Variants in HIPK2 observed in about 807,000 individuals in gnomAD.
The protein encoded by HIPK2 is homeodomain-interacting protein kinase 2.
HIPK2 carries 27 observed loss-of-function variants against 113.7 expected under a neutral mutation model. The ratio of observed to expected loss-of-function variants is 0.24; its 90% CI spans 0.17 to 0.33. The LOEUF is 0.33. HIPK2 is among the 10% of genes least tolerant of loss of function. HIPK2 has a pLI of 1.00. For synonymous variants in HIPK2, 631 were observed against 642.2 expected, an observed-to-expected ratio of 0.98 and a Z score of 0.26; for missense variants, 1,257 against 1,588.0, an observed-to-expected ratio of 0.79 and a Z score of 3.54.
In HIPK2 at chr7:139,572,898, T is replaced by TACCCAC; in HGVS notation, c.*28_*29insGTGGGT. 7.4e-6 allele frequency: 3 copies of TACCCAC among 407,280 alleles called. 1 individual carries two copies. Among genetic ancestry groups the TACCCAC allele is most frequent in the Non-Finnish European group, 1.5e-5 (3 of 206,378 alleles). The allele number at this position is 407,280 out of a possible 1,614,324, so 25.2% of individuals were successfully genotyped here. A position where few individuals can be genotyped will look rare whatever the true frequency, so the allele number is the denominator to read the frequency against. On this transcript the variant is annotated 3_prime_UTR_variant, in exon 15 of 15. Transcript: ENST00000406875. ...CTCCTCCCTCGGGCCATTCTCTCCC[T>TACCCAC]CCCTCCCTCCCTCCCTCCCCTCCAG... is the stretch of plus-strand genomic sequence containing the variant.
At chr7:139,709,172 C>T (rs745389373) in intron 2 of HIPK2, among the ~76,000 whole-genome samples, 12 of 152,084 alleles carry the variant, frequency 7.9e-5, no homozygotes, top group Admixed American at 7.2e-4. Flanking sequence ...CATACATGTA[C>T]GTATTTATAA....
At chr7:139,678,062 G>C (rs1381355187) in intron 2 of HIPK2, among the ~76,000 whole-genome samples, 1 of 152,032 alleles carries the variant, frequency 6.6e-6, no homozygotes, top group Non-Finnish European at 1.5e-5. Flanking sequence ...CTTTTTGATG[G>C]GGTTGTTTGT....
chr7:139,635,675 G>A (rs909713047), intron 2 of HIPK2, among the ~76,000 whole-genome samples: 1 of 152,100 alleles, frequency 6.6e-6, no homozygotes, highest in African/African-American at 2.4e-5. Flanking sequence ...TGGCTAGGTG[G>A]CTGGGAGACA....
Position 139,620,562 on chromosome 7 carries a change from C to T in HIPK2, c.1621G>A (p.Val541Ile), listed in dbSNP as rs767985572. ...TCCATGTTCTGGAAACATGATTTGA[C>T]GCTGTTCATGCAAAAGGCAGAGGCA... Reference protein sequence around the residue: ...HLLDFPHSTHVKSCFQNMEIC... With the variant: ...HLLDFPHSTHIKSCFQNMEIC... Residue 541 changes from valine (V) to isoleucine (I), a missense_variant and splice_region_variant, in exon 7 of 15, where the codon GTC becomes ATC. Physicochemically the swap from Val to Ile is conservative, Grantham distance 29 (BLOSUM62 3). Transcript: ENST00000406875. 33 of 1,613,912 alleles carry T rather than the reference C, an allele frequency of 2.0e-5. No individual in the cohort carries two copies. The highest frequency in any genetic ancestry group is 2.3e-5 in the Non-Finnish European group (27 of 1,179,916).
chr7:139,646,032 C>T (rs1362851639), intron 2 of HIPK2, among the ~76,000 whole-genome samples: 1 of 152,182 alleles, frequency 6.6e-6, no homozygotes, highest in East Asian at 1.9e-4. Flanking sequence ...CAAACCAAAC[C>T]AAACCAAAGT....
At chr7:139,707,087 T>A (rs1230877889) in intron 2 of HIPK2, among the ~76,000 whole-genome samples, 2 of 152,188 alleles carry the variant, frequency 1.3e-5, no homozygotes, top group African/African-American at 4.8e-5. Flanking sequence ...CCTGGAGGCC[T>A]CGGGCAGGCT....
Position 139,631,283 on chromosome 7 carries a change from A to T in HIPK2, c.1229T>A (p.Ile410Asn). ...ACCCTGTGTTTGTGAAATATACCGA[A>T]TCTGCAAGAAAAGATAAGAATGAGG... ...LYPGASEYDQ[I>N]RYISQTQGLP... Residue 410 changes from isoleucine (I) to asparagine (N), a missense_variant and splice_region_variant, in exon 4 of 15, where the codon ATT becomes AAT. Physicochemically the swap from Ile to Asn is moderately radical, Grantham distance 149 (BLOSUM62 -3). This residue lies in a region of HIPK2 where 84 missense variants were observed against 182.2 expected (regional missense o/e 0.46). Coordinates refer to ENST00000406875, the MANE Select transcript of HIPK2 (RefSeq NM_022740.5). This position sits in a 1 kb window ranked among gnomAD's most constrained non-coding sequence, Gnocchi z 4.9. 2 of 1,610,712 alleles carry T rather than the reference A, an allele frequency of 1.2e-6. No individual in the cohort carries two copies. The highest frequency in any genetic ancestry group is 1.7e-6 in the Non-Finnish European group (2 of 1,178,322).
chr7:139,583,765 G>A, intron 13 of HIPK2, 52 bp downstream of exon 13: 1 of 1,578,326 alleles, frequency 6.3e-7, no homozygotes, highest in Non-Finnish European at 8.6e-7. Context: ...CAGAAAAGCA[G>A]GAAAACCACT....
At chr7:139,739,481 G>A (rs941950296) in intron 1 of HIPK2, among the ~76,000 whole-genome samples, 1 of 152,028 alleles carries the variant, frequency 6.6e-6, no homozygotes, top group African/African-American at 2.4e-5. Context: ...CAGCTACTCG[G>A]GAGGCTGAGG....
At chr7:139,653,087 C>T (rs1014146365) in intron 2 of HIPK2, among the ~76,000 whole-genome samples, 2 of 64,202 alleles carry the variant, frequency 3.1e-5, no homozygotes. Context: ...TGCAGTGAGC[C>T]GAGATCACGC....
intron 2 of HIPK2, among the ~76,000 whole-genome samples, chr7:139,662,617 C>CT (rs373566905): frequency 0.022 from 2,909 of 133,600 alleles, 39 homozygotes; most frequent in African/African-American, 0.032. Flanking sequence ...TAAAACACCA[C>CT]TTTTTTTTTT....
At chr7:139,755,406 T>C (rs1345575457) in intron 1 of HIPK2, among the ~76,000 whole-genome samples, 2 of 152,244 alleles carry the variant, frequency 1.3e-5, no homozygotes, top group Non-Finnish European at 2.9e-5. Context: ...TTATACACTT[T>C]GTGTTGGTTT....
At chr7:139,661,061 G>A (rs1801851541) in intron 2 of HIPK2, among the ~76,000 whole-genome samples, 1 of 150,722 alleles carries the variant, frequency 6.6e-6, no homozygotes. Context: ...GTAGGGGTGG[G>A]GTGGGGTGGG....
rs1462666120 is a variant in HIPK2, at chr7:139,597,052, C to G, written c.2436-54G>C. On this transcript the variant is annotated intron_variant, in intron 11 of 14. Coordinates refer to ENST00000406875, the MANE Select transcript of HIPK2 (RefSeq NM_022740.5). The stretch of plus-strand genomic sequence containing the variant: ...AGAGGAAGGTCAGGCCCCACAACTC[C>G]TTCGAAGGAGCCCAATTGCCTAGAA... 2.6e-6 allele frequency: 4 copies of G among 1,529,870 alleles called. No homozygotes were observed. In the African/African-American group the frequency reaches 5.5e-5, roughly 21 times the overall value. 94.8% of individuals were successfully genotyped at this position (1,529,870 alleles called of 1,614,324 possible). A position where few individuals can be genotyped will look rare whatever the true frequency, so the allele number is the denominator to read the frequency against.
intron 2 of HIPK2, among the ~76,000 whole-genome samples, chr7:139,702,924 T>A (rs1274722772): frequency 3.3e-5 from 5 of 152,330 alleles, no homozygotes; most frequent in African/African-American, 1.2e-4. Flanking sequence ...CTAAAGAAAC[T>A]GCATGCTATC....
At chr7:139,701,618 A>G (rs1794711495) in intron 2 of HIPK2, among the ~76,000 whole-genome samples, 1 of 152,190 alleles carries the variant, frequency 6.6e-6, no homozygotes, top group African/African-American at 2.4e-5. Flanking sequence ...CAACCAGTGG[A>G]TACAATCAGC....
intron 5 of HIPK2, 50 bp from the exon 6 acceptor site, chr7:139,626,835 C>T (rs1448442436): frequency 6.2e-7 from 1 of 1,600,796 alleles, no homozygotes; most frequent in Admixed American, 1.7e-5. Flanking sequence ...GCGTGCCTCC[C>T]CTCTCCTGGC....
At chr7:139,693,944 C>T (rs1405409399) in intron 2 of HIPK2, among the ~76,000 whole-genome samples, 4 of 152,152 alleles carry the variant, frequency 2.6e-5, no homozygotes, top group African/African-American at 7.2e-5. Context: ...GAGTGATAAT[C>T]CAACTCTAAA....
intron 2 of HIPK2, among the ~76,000 whole-genome samples, chr7:139,680,291 C>G (rs1466687276): frequency 1.3e-5 from 2 of 152,222 alleles, no homozygotes; most frequent in East Asian, 3.9e-4. Flanking sequence ...ACGATTCAGT[C>G]ACGATTAACA....
Sources: gnomAD v4.1 joint callset for allele counts (sites outside exome capture counted in the v4.1 genomes callset) on GRCh38, gnomAD v4.1.1 for gene constraint, gnomAD v4.1.1 regional missense constraint, Gnocchi (gnomAD v3.1) non-coding constraint, MANE v1.5 for transcripts, NCBI Gene and HGNC (gene_info 2026-07-23, HGNC 2026-07-21) for gene names.